The following ANXA4 variants were observed in gnomAD, a reference collection of about 807,000 sequenced individuals.
The protein encoded by ANXA4 is 35-beta calcimedin.
A neutral mutation model predicts 49.8 loss-of-function variants in ANXA4; 39 were observed. That is an observed-to-expected ratio of 0.78 (90% CI 0.61 to 1.02). The LOEUF (loss-of-function observed/expected upper bound fraction) is 1.02. Ranked by LOEUF, ANXA4 falls within the 50% of genes least tolerant of loss-of-function variation. ANXA4 has a pLI of 0.00. For synonymous variants in ANXA4, 134 were observed against 152.5 expected (o/e 0.88, Z 0.89); for missense variants, 360 against 410.1 (o/e 0.88, Z 1.05).
At chr2:69,652,259 G>A (rs1220925942) in intron 1 of ANXA4, among the ~76,000 whole-genome samples, 1 of 152,126 alleles carries the variant, frequency 6.6e-6, no homozygotes, top group Non-Finnish European at 1.5e-5. Context: ...ACTCGCCTCA[G>A]ACTCTCAAAG....
rs369720230 is a variant in ANXA4 at position 69,806,516 on chromosome 2, C to T, written c.306+18C>T. ...CCATGAAGGTCTGTGCTCTTCCTCT[C>T]GTGCTCTTGGTGCTGTTGGTGCAAA... On this transcript the variant is annotated intron_variant, in intron 5 of 12. Coordinates refer to ENST00000394295, the MANE Select transcript of ANXA4 (RefSeq NM_001153.5). 25 of 1,596,168 alleles carry T rather than the reference C, an allele frequency of 1.6e-5. No individual in the cohort carries two copies. Among genetic ancestry groups the T allele is most frequent in the South Asian group, 7.7e-5 (7 of 90,710 alleles).
chr2:69,646,382 C>T (rs1481542001), intron 1 of ANXA4, among the ~76,000 whole-genome samples: 1 of 152,198 alleles, frequency 6.6e-6, no homozygotes, highest in Non-Finnish European at 1.5e-5. Context: ...TCTCCTTGGG[C>T]ATCCAGTATA....
In ANXA4 at chr2:69,820,692, T is replaced by C. The variant is rs1239862283; in HGVS notation, c.784-7T>C. On this transcript the variant is annotated splice_polypyrimidine_tract_variant and splice_region_variant and intron_variant, in intron 11 of 12. Coordinates refer to ENST00000394295, the MANE Select transcript of ANXA4 (RefSeq NM_001153.5). The stretch of plus-strand genomic sequence containing the variant: ...TGTATATGTTTGGATTTCGTTTTCT[T>C]CCTTAGGGCTTGGGCACCGATGATA... 1 of 1,613,302 alleles carries C rather than the reference T, an allele frequency of 6.2e-7. No individual in the cohort carries two copies. Among genetic ancestry groups the C allele is most frequent in the East Asian group, 2.2e-5 (1 of 44,862 alleles).
intron 3 of ANXA4, among the ~76,000 whole-genome samples, chr2:69,799,130 A>AT (rs918735466): frequency 3.9e-5 from 6 of 152,136 alleles, no homozygotes; most frequent in African/African-American, 7.2e-5. Context: ...ATAGAGCAGA[A>AT]TTTTTTTTAT....
rs539215107 is a variant in ANXA4, at chr2:69,662,379, A to C, written n.766+9097A>C. ...TTATTTCTGTTGCATTCTATAAATC[A>C]TGCCAGTCACTAGGGCCAGTCTAGA... On this transcript the variant is annotated intron_variant and non_coding_transcript_variant, in intron 2 of 3. Coordinates refer to the ANXA4 transcript ENST00000418066. Among the ~76,000 whole-genome samples, 127 of 151,314 alleles carry C rather than the reference A, an allele frequency of 8.4e-4. 1 individual carries two copies. The highest frequency in any genetic ancestry group is 2.7e-3 in the African/African-American group (113 of 41,388).
chr2:69,702,509 G>A (rs1678362233), intron 2 of ANXA4, among the ~76,000 whole-genome samples: 1 of 152,036 alleles, frequency 6.6e-6, no homozygotes, highest in Non-Finnish European at 1.5e-5. Context: ...GTCACTTGAA[G>A]CCAGGAGTTG....
At chr2:69,787,644 T>A (rs557838254) in intron 2 of ANXA4, among the ~76,000 whole-genome samples, 2 of 152,342 alleles carry the variant, frequency 1.3e-5, no homozygotes, top group South Asian at 4.1e-4. Flanking sequence ...TGTCCTGCTT[T>A]CCCTACAAAC....
intron 3 of ANXA4, among the ~76,000 whole-genome samples, chr2:69,803,134 G>C (rs1235092257): frequency 1.3e-5 from 2 of 151,808 alleles, no homozygotes; most frequent in African/African-American, 2.4e-5. Context: ...CTGGGAGGGA[G>C]AGGGAGTGAG....
At position 69,825,749 on chromosome 2, in the gene ANXA4, G is replaced by A. The variant is rs1674445734; in HGVS notation, c.*234G>A. On this transcript the variant is annotated 3_prime_UTR_variant, in exon 13 of 13. Transcript: ENST00000394295. ...ATAAGATATAAATGGAGATTTTAAA[G>A]TAGAAATAAATATGTATTCCATGTT... is the stretch of plus-strand genomic sequence containing the variant. 5.4e-6 allele frequency: 2 copies of A among 370,540 alleles called. No homozygotes were observed. Among genetic ancestry groups the A allele is most frequent in the African/African-American group, 2.1e-5 (1 of 47,816 alleles). The allele number at this position is 370,540 out of a possible 1,614,324, so 23.0% of individuals were successfully genotyped here.
chr2:69,812,270 C>T (rs984395841), intron 7 of ANXA4, among the ~76,000 whole-genome samples: 1 of 152,098 alleles, frequency 6.6e-6, no homozygotes, highest in Non-Finnish European at 1.5e-5. Flanking sequence ...CATGCACATC[C>T]CGACCCCCTT....
chr2:69,789,708 T>G (rs1440117817), intron 3 of ANXA4, among the ~76,000 whole-genome samples: 5 of 152,076 alleles, frequency 3.3e-5, no homozygotes, highest in Non-Finnish European at 7.4e-5. Flanking sequence ...CCTCCTAGGG[T>G]CCAGTGGTTT....
chr2:69,824,964 G>A (rs1168610312), intron 12 of ANXA4, among the ~76,000 whole-genome samples: 1 of 151,318 alleles, frequency 6.6e-6, no homozygotes, highest in Non-Finnish European at 1.5e-5. Flanking sequence ...CTACTCAGGA[G>A]GCTGACGCAG....
At chr2:69,663,418 G>T (rs548895470) in intron 2 of ANXA4, among the ~76,000 whole-genome samples, 1 of 142,466 alleles carries the variant, frequency 7.0e-6, no homozygotes, top group Non-Finnish European at 1.5e-5. Flanking sequence ...TCCAAAACAC[G>T]CTAACAGAGA....
In ANXA4 at chr2:69,709,607, G is replaced by A. The variant is rs139437290; in HGVS notation, n.767-11167G>A. ...TTTGCACATTTTAGAGTACATACAC[G>A]GGAAGCCACATCCCAGAAATCTACA... On this transcript the variant is annotated intron_variant and non_coding_transcript_variant, in intron 2 of 3. Transcript: ENST00000418066. Among the ~76,000 whole-genome samples, 1,271 of 152,196 alleles carry A rather than the reference G, an allele frequency of 8.4e-3. 21 individuals carry two copies. The highest frequency in any genetic ancestry group is 0.01 in the Admixed American group (157 of 15,280).
chr2:69,824,531 A>G (rs1406325060), intron 12 of ANXA4, among the ~76,000 whole-genome samples: 1 of 152,068 alleles, frequency 6.6e-6, no homozygotes, highest in Non-Finnish European at 1.5e-5. Context: ...AGGTTTAAGA[A>G]AATGCATTTA....
chr2:69,816,289 G>C, intron 9 of ANXA4, 95 bp downstream of exon 9: 2 of 1,007,194 alleles, frequency 2.0e-6, no homozygotes, highest in Non-Finnish European at 3.1e-6. Flanking sequence ...CCTTCAGTTG[G>C]TACAAAGAAC....
At chr2:69,686,052 T>C (rs1434914496) in intron 2 of ANXA4, among the ~76,000 whole-genome samples, 5 of 152,248 alleles carry the variant, frequency 3.3e-5, no homozygotes, top group African/African-American at 4.8e-5. Context: ...TTAAACACAG[T>C]AAAATTACTA....
chr2:69,729,305 A>G (rs545326571), intron 3 of ANXA4, among the ~76,000 whole-genome samples: 118 of 152,352 alleles, frequency 7.7e-4, no homozygotes, highest in African/African-American at 2.7e-3. Context: ...GTGAGCCACC[A>G]TGCACGGCCC....
chr2:69,725,120 C>G (rs754481240), intron 3 of ANXA4, among the ~76,000 whole-genome samples: 4 of 152,144 alleles, frequency 2.6e-5, no homozygotes, highest in Non-Finnish European at 4.4e-5. Context: ...AGCTCAGCTT[C>G]CTGACATCCA....
Sources: allele counts gnomAD v4.1 joint callset (sites outside exome capture counted in the v4.1 genomes callset), GRCh38; gene constraint gnomAD v4.1.1; transcripts MANE v1.5; gene names NCBI Gene and HGNC (gene_info 2026-07-23, HGNC 2026-07-21).